Variants in TTC39B observed in about 807,000 individuals in gnomAD.
TTC39B encodes the protein tetratricopeptide repeat domain 39B.
TTC39B carries 92 observed loss-of-function variants against 96.6 expected under a neutral mutation model. The ratio of observed to expected loss-of-function variants is 0.95; its 90% CI spans 0.80 to 1.13. TTC39B has a LOEUF of 1.13. Ranked by LOEUF, TTC39B falls within the 50% of genes most tolerant of loss-of-function variation. The probability of loss-of-function intolerance (pLI) is 0.00; values close to 1 mark genes in which losing one functional copy is unlikely to be tolerated. For missense variants in TTC39B, 955 were observed against 809.3 expected (o/e 1.18, Z -2.18); for synonymous variants, 367 against 299.4 (o/e 1.23, Z -2.33).
At chr9:15,195,313 G>GA (rs1026411311) in intron 8 of TTC39B, among the ~76,000 whole-genome samples, 1 of 151,926 alleles carries the variant, frequency 6.6e-6, no homozygotes, top group Non-Finnish European at 1.5e-5. Flanking sequence ...GGAAGCTGAA[G>GA]AAAAAAATGT....
chr9:15,271,864 C>T (rs115027613), intron 1 of TTC39B, among the ~76,000 whole-genome samples: 5,136 of 152,210 alleles, frequency 0.034, 287 homozygotes, highest in African/African-American at 0.12. Context: ...TTTTGACATG[C>T]TCATTTATAT....
At chr9:15,236,022 C>G (rs970880792) in intron 2 of TTC39B, among the ~76,000 whole-genome samples, 1 of 152,098 alleles carries the variant, frequency 6.6e-6, no homozygotes, top group African/African-American at 2.4e-5. Context: ...GAGTAGCAAA[C>G]TAGTTTTTTA....
At chr9:15,280,526 G>A (rs1307876890) in intron 1 of TTC39B, among the ~76,000 whole-genome samples, 1 of 152,322 alleles carries the variant, frequency 6.6e-6, no homozygotes, top group Admixed American at 6.5e-5. Flanking sequence ...TTAAATTCAA[G>A]GGAGAAATAA....
At chr9:15,212,919 T>A (rs141763731) in intron 4 of TTC39B, among the ~76,000 whole-genome samples, 50 of 152,196 alleles carry the variant, frequency 3.3e-4, no homozygotes, top group Non-Finnish European at 6.2e-4. Context: ...AGAGAAATTA[T>A]AATTAACAAT....
chr9:15,266,054 G>T (rs11788465), intron 2 of TTC39B, among the ~76,000 whole-genome samples: 4,536 of 152,232 alleles, frequency 0.03, 101 homozygotes, highest in Non-Finnish European at 0.043. Flanking sequence ...TCTGGATAAC[G>T]TATGGACTGT....
At chr9:15,182,521 C>T in intron 16 of TTC39B, 106 bp from the exon 17 acceptor site, 3 of 674,960 alleles carry the variant, frequency 4.4e-6, no homozygotes, top group Non-Finnish European at 7.3e-6. Flanking sequence ...CTAGGAACCT[C>T]AGGACAATAT....
At chr9:15,205,430 T>C (rs16932824) in intron 6 of TTC39B, among the ~76,000 whole-genome samples, 23,899 of 151,864 alleles carry the variant, frequency 0.16, 2,977 homozygotes, top group East Asian at 0.54. Context: ...CTGGTTCTCA[T>C]AAATTGGTTC....
exon 20 of TTC39B, chr9:15,171,955 TA>T: frequency 8.0e-7 from 1 of 1,250,792 alleles, no homozygotes; most frequent in Non-Finnish European, 1.1e-6. Flanking sequence ...CACTTTAATA[TA>T]AGGTTGAATC....
At chr9:15,187,106 A>G in intron 14 of TTC39B, 71 bp from the exon 15 acceptor site, 1 of 1,111,834 alleles carries the variant, frequency 9.0e-7, no homozygotes, top group Non-Finnish European at 1.3e-6. Context: ...CAAATCAGGA[A>G]TGACCAACAA....
intron 6 of TTC39B, among the ~76,000 whole-genome samples, chr9:15,204,989 T>C (rs1017390619): frequency 1.3e-5 from 2 of 152,216 alleles, no homozygotes; most frequent in Non-Finnish European, 2.9e-5. Flanking sequence ...ATCCATGGGA[T>C]GCAAAGTGGC....
At chr9:15,218,545 T>A (rs568716781) in intron 3 of TTC39B, among the ~76,000 whole-genome samples, 2 of 152,086 alleles carry the variant, frequency 1.3e-5, no homozygotes, top group East Asian at 3.9e-4. Context: ...CCCTTCATAA[T>A]ATATATCTTC....
rs1586882486 is a variant in TTC39B, at chr9:15,211,493, C to T, written c.483-96G>A. On this transcript the variant is annotated intron_variant, in intron 4 of 19. Transcript: ENST00000512701. Reference sequence around the variant, plus strand: ...TGCATGTCCTGACTTGCACAGTAACCTTTATTCCTTCACCATAATCACTGA... The same window carrying T: ...TGCATGTCCTGACTTGCACAGTAACTTTTATTCCTTCACCATAATCACTGA... The T allele has an allele frequency of 6.4e-6, 7 of 1,091,328 alleles. No homozygotes were observed. The East Asian group carries it at 1.5e-4, about 23-fold the overall frequency. The allele number at this position is 1,091,328 out of a possible 1,614,324, so 67.6% of individuals were successfully genotyped here.
intron 2 of TTC39B, among the ~76,000 whole-genome samples, chr9:15,239,013 C>T (rs1285643519): frequency 6.6e-6 from 1 of 152,040 alleles, no homozygotes. Flanking sequence ...GCAGACTATG[C>T]CTCTGACAAA....
intron 1 of TTC39B, among the ~76,000 whole-genome samples, chr9:15,300,550 T>C (rs1453514368): frequency 2.0e-5 from 3 of 152,222 alleles, no homozygotes; most frequent in Non-Finnish European, 4.4e-5. Context: ...ACCAGATTTA[T>C]CTTCCTAAAA....
intron 3 of TTC39B, chr9:15,224,619 G>A (rs968982196): frequency 6.6e-6 from 1 of 152,166 alleles, no homozygotes; most frequent in Admixed American, 6.5e-5. Context: ...ATTTATTAAT[G>A]CTTTCAGTAA....
intron 7 of TTC39B, among the ~76,000 whole-genome samples, chr9:15,201,420 T>C (rs969482467): frequency 6.6e-6 from 1 of 152,154 alleles, no homozygotes; most frequent in Non-Finnish European, 1.5e-5. Flanking sequence ...GGGGACGGGA[T>C]CATGCATGGG....
At position 15,213,424 on chromosome 9, in the gene TTC39B, T is replaced by C. The variant is rs116774349; in HGVS notation, c.482+715A>G. On this transcript the variant is annotated intron_variant, in intron 4 of 19. Coordinates refer to ENST00000512701, the Ensembl canonical transcript of TTC39B. ...ATTCTAAATCTTAACACAATTACCA[T>C]AGCAGCTCCTCAGCAGGTCAATCAA... is the stretch of plus-strand genomic sequence containing the variant. Among the ~76,000 whole-genome samples, 1,139 of 152,334 alleles carry C rather than the reference T, an allele frequency of 7.5e-3. 8 individuals are homozygous for C. The highest frequency in any genetic ancestry group is 0.026 in the African/African-American group (1,086 of 41,568).
chr9:15,251,587 C>T (rs1462220829), intron 2 of TTC39B, among the ~76,000 whole-genome samples: 1 of 151,132 alleles, frequency 6.6e-6, no homozygotes, highest in Non-Finnish European at 1.5e-5. Flanking sequence ...CAGCCATAAT[C>T]TCATAACCCA....
intron 17 of TTC39B, among the ~76,000 whole-genome samples, chr9:15,178,027 G>C (rs1197614760): frequency 6.6e-6 from 1 of 151,568 alleles, no homozygotes; most frequent in Non-Finnish European, 1.5e-5. Context: ...CCACCACCAC[G>C]CCCGGCTAAT....
Sources: allele counts gnomAD v4.1 joint callset (sites outside exome capture counted in the v4.1 genomes callset), GRCh38; gene constraint gnomAD v4.1.1; transcripts MANE v1.5; gene names NCBI Gene and HGNC (gene_info 2026-07-23, HGNC 2026-07-21).